Variants in PDIA6 observed in about 807,000 individuals in gnomAD.
PDIA6 encodes the protein protein disulfide isomerase family A member 6, also known as protein disulfide-isomerase A6.
PDIA6 carries 29 observed loss-of-function variants against 58.4 expected under a neutral mutation model. The observed-to-expected ratio is 0.50, with a 90% CI of 0.37 to 0.68. The LOEUF (loss-of-function observed/expected upper bound fraction) is 0.68. Among genes scored for constraint, PDIA6 ranks in the 30% least tolerant of loss-of-function variants. PDIA6 has a pLI of 0.00. For missense variants in PDIA6, 480 were observed against 551.0 expected (o/e 0.87, Z 1.29); for synonymous variants, 192 against 202.6 (o/e 0.95, Z 0.44).
chr2:10,813,099 A>ACC (rs548088656), upstream of PDIA6, among the ~76,000 whole-genome samples: 1 of 148,936 alleles, frequency 6.7e-6, no homozygotes, highest in Non-Finnish European at 1.5e-5. Flanking sequence ...CTTATTCTGC[A>ACC]CCCCCCCACC....
chr2:10,788,623 C>T (rs993368606), intron 10 of PDIA6, 74 bp downstream of exon 10: 13 of 1,006,474 alleles, frequency 1.3e-5, no homozygotes, highest in African/African-American at 1.3e-4. Context: ...TACAAAAACA[C>T]GGGGGAACCA....
At chr2:10,822,268 A>T (rs201285867) in intron 1 of PDIA6, among the ~76,000 whole-genome samples, 6 of 130,110 alleles carry the variant, frequency 4.6e-5, no homozygotes, top group Non-Finnish European at 1.0e-4. Flanking sequence ...TTATTTATTT[A>T]TTTTGTTTTT....
intron 4 of PDIA6, among the ~76,000 whole-genome samples, chr2:10,794,564 A>C (rs936690784): frequency 6.7e-6 from 1 of 150,288 alleles, no homozygotes; most frequent in Non-Finnish European, 1.5e-5. Flanking sequence ...TAGAGATCTA[A>C]GGTGTGGCAG....
chr2:10,797,500 A>AT (rs1553338738), intron 3 of PDIA6, among the ~76,000 whole-genome samples, 200 bp downstream of exon 3: 1 of 152,222 alleles, frequency 6.6e-6, no homozygotes, highest in Non-Finnish European at 1.5e-5. Flanking sequence ...AAACATTTAA[A>AT]TGTGTATTAT....
chr2:10,812,780 C>A lies in PDIA6; in HGVS notation c.-84G>T. 1.5e-6 allele frequency: 2 copies of A among 1,317,502 alleles called. No homozygotes were observed. The highest frequency in any genetic ancestry group is 1.9e-5 in the South Asian group (1 of 53,308). 81.6% of individuals were successfully genotyped at this position (1,317,502 alleles called of 1,614,324 possible). A position where few individuals can be genotyped will look rare whatever the true frequency, so the allele number is the denominator to read the frequency against. ...GCCGCACGCCGCGCCCCCGCGCCCA[C>A]GTCCCGCCCCAGGCCAGTCCGGTGG... On this transcript the variant is annotated 5_prime_UTR_variant, in exon 1 of 13. Transcript: ENST00000272227.
At chr2:10,806,458 T>A (rs79231348) in intron 1 of PDIA6, among the ~76,000 whole-genome samples, 8 of 141,974 alleles carry the variant, frequency 5.6e-5, no homozygotes, top group Non-Finnish European at 1.2e-4. Context: ...GCCAAAAAGT[T>A]AAAAAAAAAA....
chr2:10,787,511 G>T, intron 10 of PDIA6, 72 bp from the exon 11 acceptor site: 1 of 1,308,556 alleles, frequency 7.6e-7, no homozygotes, highest in Non-Finnish European at 1.1e-6. Flanking sequence ...GAAGATCTTA[G>T]AGAACAAAAG....
Position 10,830,089 on chromosome 2 carries a change from C to G in PDIA6, c.-48+2113G>C, listed in dbSNP as rs558343171. On this transcript the variant is annotated intron_variant, in intron 1 of 13. Transcript: ENST00000381611. ...CATGGCAGCCCTTCTAGGAAGCTTC[C>G]TCACCCCAGGCCCTGGGAGGTAGAG... is the stretch of plus-strand genomic sequence containing the variant. 6.1e-4 allele frequency among the ~76,000 whole-genome samples: 93 copies of G among 152,266 alleles called. 2 individuals carry two copies. The highest frequency in any genetic ancestry group is 3.4e-3 in the Middle Eastern group (1 of 294).
At position 10,810,090 on chromosome 2, in the gene PDIA6, C is replaced by T. The variant is rs138868628; in HGVS notation, c.19+2588G>A. On this transcript the variant is annotated intron_variant, in intron 1 of 12. Coordinates refer to ENST00000272227, the MANE Select transcript of PDIA6 (RefSeq NM_005742.4). ...CAGAAACTGGGGTCTTTATTTCTGG[C>T]GAGACAAAACAGTAACACTTGCGTG... Among the ~76,000 whole-genome samples, 23 of 152,176 alleles carry T rather than the reference C, an allele frequency of 1.5e-4. No individual in the cohort carries two copies. In the East Asian group the frequency reaches 4.0e-3, roughly 27 times the overall value.
chr2:10,812,613 T>C (rs1165308048), intron 1 of PDIA6, 65 bp downstream of exon 1: 62 of 1,462,952 alleles, frequency 4.2e-5, no homozygotes, highest in Non-Finnish European at 5.3e-5. Context: ...GGGAACGGCC[T>C]AGAGATTCGA....
At chr2:10,811,356 C>A (rs956749047) in intron 1 of PDIA6, among the ~76,000 whole-genome samples, 3 of 152,062 alleles carry the variant, frequency 2.0e-5, no homozygotes, top group Non-Finnish European at 4.4e-5. Flanking sequence ...ACAATGAGAC[C>A]CTGACTCTAC....
At chr2:10,834,717 CCCTCCCTTCCTTCCCTCCTTCCTTCCTT>C (rs1434531285), upstream of PDIA6, among the ~76,000 whole-genome samples, 1,179 of 49,674 alleles carry the variant, frequency 0.024, 87 homozygotes, top group Middle Eastern at 0.085. Context: ...CTCCCTCCCT[CCCTCCCTTCCTTCCCTCCTTCCTTCCTT>C]CCTTCCTTCC....
intron 11 of PDIA6, among the ~76,000 whole-genome samples, chr2:10,786,189 G>A (rs1044903613): frequency 6.6e-6 from 1 of 152,250 alleles, no homozygotes; most frequent in East Asian, 1.9e-4. Flanking sequence ...TGGGCGTGGT[G>A]GCAGGCGCCT....
chr2:10,833,892 T>C (rs1667764406), upstream of PDIA6, among the ~76,000 whole-genome samples: 1 of 152,210 alleles, frequency 6.6e-6, no homozygotes, highest in South Asian at 2.1e-4. Context: ...TGTCTGGTTA[T>C]TGGAAGCCCC....
upstream of PDIA6, among the ~76,000 whole-genome samples, chr2:10,815,826 T>G (rs1467812557): frequency 6.6e-6 from 1 of 152,162 alleles, no homozygotes; most frequent in Non-Finnish European, 1.5e-5. Context: ...ATTACAGGCA[T>G]GAGCTACTGC....
chr2:10,793,313 A>G, intron 4 of PDIA6, 111 bp from the exon 5 acceptor site: 2 of 680,304 alleles, frequency 2.9e-6, no homozygotes, highest in Non-Finnish European at 2.7e-6. Flanking sequence ...CAGGTGTGAC[A>G]CAGTTCTGAC....
intron 1 of PDIA6, among the ~76,000 whole-genome samples, chr2:10,824,217 G>A (rs1667485223): frequency 6.6e-6 from 1 of 151,172 alleles, no homozygotes. Context: ...TCCAGTCATG[G>A]GGAGTGTTGA....
rs139768304 is a variant in PDIA6 at position 10,828,482 on chromosome 2, G to A, written c.-48+3720C>T. On this transcript the variant is annotated intron_variant, in intron 1 of 13. Coordinates refer to the PDIA6 transcript ENST00000381611. ...GTGTGCCCCCTCCACCCAGGCCCAC[G>A]ACCCTGAGACCAGAGGAATGCGAGG... 7.7e-4 allele frequency among the ~76,000 whole-genome samples: 117 copies of A among 152,226 alleles called. 1 individual carries two copies. The East Asian group carries it at 0.022, about 29-fold the overall frequency.
chr2:10,788,346 T>A (rs751659594), intron 10 of PDIA6, among the ~76,000 whole-genome samples: 8 of 152,018 alleles, frequency 5.3e-5, no homozygotes, highest in Non-Finnish European at 1.0e-4. Flanking sequence ...AGTTTTCACA[T>A]CCTGAATAAA....
Sources: allele counts gnomAD v4.1 joint callset (sites outside exome capture counted in the v4.1 genomes callset), GRCh38; gene constraint gnomAD v4.1.1; transcripts MANE v1.5; gene names NCBI Gene and HGNC (gene_info 2026-07-23, HGNC 2026-07-21).